PCBP3: variants seen among roughly 807,000 people sequenced by gnomAD.
PCBP3 encodes the protein poly(rC) binding protein 3, also known as poly(rC)-binding protein 3.
Under a neutral mutation model 52.7 loss-of-function variants are expected in PCBP3, and 25 were observed. The ratio of observed to expected loss-of-function variants is 0.47; its 90% CI spans 0.35 to 0.66. PCBP3 has a LOEUF of 0.66. Among genes scored for constraint, PCBP3 ranks in the 30% least tolerant of loss-of-function variants. The pLI, the probability that PCBP3 is intolerant of heterozygous loss-of-function variation, is 0.01. For missense variants in PCBP3, 391 were observed against 490.3 expected, an observed-to-expected ratio of 0.80 and a Z score of 1.91; for synonymous variants, 162 against 183.0, an observed-to-expected ratio of 0.89 and a Z score of 0.93.
chr21:45,814,162 T>C (rs1320825928), intron 4 of PCBP3, among the ~76,000 whole-genome samples: 4 of 152,160 alleles, frequency 2.6e-5, no homozygotes, highest in Admixed American at 6.5e-5. Flanking sequence ...CTTCGAAACA[T>C]AGAAAAGGTG....
chr21:45,675,662 G>A (rs1437677705), intron 2 of PCBP3, among the ~76,000 whole-genome samples: 1 of 152,162 alleles, frequency 6.6e-6, no homozygotes, highest in Non-Finnish European at 1.5e-5. Context: ...ACCACAGTAA[G>A]CCTGTAAAAT....
Position 45,737,122 on chromosome 21 carries a change from G to A in PCBP3, c.-162+1693G>A, listed in dbSNP as rs1376037594. Among the ~76,000 whole-genome samples, 5 of 152,022 alleles carry A rather than the reference G, an allele frequency of 3.3e-5. No homozygotes were observed. The highest frequency in any genetic ancestry group is 2.1e-4 in the South Asian group (1 of 4,826). ...CTGCGGGGCAGGAGGTGAGAGTGCCGCGGGTTAGGAGGTGAGGGTGCAGCT... is the reference window on the plus strand; with the variant it reads ...CTGCGGGGCAGGAGGTGAGAGTGCCACGGGTTAGGAGGTGAGGGTGCAGCT... On this transcript the variant is annotated intron_variant, in intron 3 of 17. Coordinates refer to ENST00000681687, the MANE Select transcript of PCBP3 (RefSeq NM_001384156.1). This position sits in a 1 kb window ranked among gnomAD's most constrained non-coding sequence, Gnocchi z 4.9.
intron 13 of PCBP3, chr21:45,918,963 G>A (rs2073999931): frequency 6.5e-6 from 1 of 153,414 alleles, no homozygotes; most frequent in South Asian, 2.1e-4. Flanking sequence ...CATCGGAGGG[G>A]AACCCTGGGC....
chr21:45,783,701 T>C (rs2090824671), intron 4 of PCBP3, among the ~76,000 whole-genome samples: 1 of 152,196 alleles, frequency 6.6e-6, no homozygotes, highest in African/African-American at 2.4e-5. Context: ...GCTGGAAAGA[T>C]GGCCCTGTGC....
At chr21:45,902,622 G>A (rs1052293660) in intron 9 of PCBP3, among the ~76,000 whole-genome samples, 2 of 152,226 alleles carry the variant, frequency 1.3e-5, no homozygotes, top group African/African-American at 4.8e-5. Flanking sequence ...GTCCCCGGAT[G>A]GTGGTGAGAC....
chr21:45,840,326 G>A (rs560045546), intron 4 of PCBP3, among the ~76,000 whole-genome samples: 5 of 151,494 alleles, frequency 3.3e-5, no homozygotes, highest in East Asian at 3.9e-4. Context: ...GCATGGTGGC[G>A]GGCGCCTGTA....
intron 15 of PCBP3, 38 bp downstream of exon 15, chr21:45,930,883 G>A (rs369777989): frequency 1.9e-4 from 303 of 1,611,128 alleles, no homozygotes; most frequent in Non-Finnish European, 2.5e-4. Context: ...ACAGGCCAGG[G>A]CAGCAGAGCA....
chr21:45,665,177 G>C (rs1440434068), intron 1 of PCBP3, among the ~76,000 whole-genome samples: 1 of 152,068 alleles, frequency 6.6e-6, no homozygotes, highest in East Asian at 1.9e-4. Flanking sequence ...CAAGGCAGGA[G>C]GATCACTTGA....
At chr21:45,797,884 T>A (rs1161212148) in intron 4 of PCBP3, among the ~76,000 whole-genome samples, 1 of 135,638 alleles carries the variant, frequency 7.4e-6, no homozygotes, top group Non-Finnish European at 1.6e-5. Flanking sequence ...AGAGAGTGAA[T>A]GCATGGATGG....
At position 45,785,521 on chromosome 21, in the gene PCBP3, C is replaced by G. The variant is rs1159284044; in HGVS notation, c.-126+30069C>G. 2.6e-4 allele frequency among the ~76,000 whole-genome samples: 39 copies of G among 147,950 alleles called. 3 individuals carry two copies. The highest frequency in any genetic ancestry group is 8.3e-4 in the African/African-American group (33 of 39,852). On this transcript the variant is annotated intron_variant, in intron 4 of 17. Transcript: ENST00000681687. ...CCCGTCCGGGAGGGGGGGGGGTCAG[C>G]CCCCCGCCCGGCCAGCCGCCCCATC... is the stretch of plus-strand genomic sequence containing the variant.
At chr21:45,886,813 G>A (rs1569440724) in intron 5 of PCBP3, among the ~76,000 whole-genome samples, 1 of 152,226 alleles carries the variant, frequency 6.6e-6, no homozygotes, top group East Asian at 1.9e-4. Flanking sequence ...CTCACCACCT[G>A]TGGAGATGAG....
At position 45,788,745 on chromosome 21, in the gene PCBP3, T is replaced by C. The variant is rs866754593; in HGVS notation, c.-126+33293T>C. 3 of 152,112 alleles carry C rather than the reference T, an allele frequency of 2.0e-5. No homozygotes were observed. The allele number at this position is 152,112 out of a possible 1,614,324, so 9.4% of individuals were successfully genotyped here. A position where few individuals can be genotyped will look rare whatever the true frequency, so the allele number is the denominator to read the frequency against. Reference sequence around the variant, plus strand: ...TGTCTATTTCCTTTTACAGGGTAATTTGTAGTGGAATGAGAAAAAAAAGTT... The same window carrying C: ...TGTCTATTTCCTTTTACAGGGTAATCTGTAGTGGAATGAGAAAAAAAAGTT... On this transcript the variant is annotated intron_variant, in intron 4 of 17. Coordinates refer to ENST00000681687, the MANE Select transcript of PCBP3 (RefSeq NM_001384156.1). This position sits in a 1 kb window ranked among gnomAD's most constrained non-coding sequence, Gnocchi z 4.3.
At chr21:45,649,954 C>T (rs1215022144) in intron 1 of PCBP3, among the ~76,000 whole-genome samples, 7 of 151,384 alleles carry the variant, frequency 4.6e-5, no homozygotes, top group South Asian at 2.1e-4. Context: ...TTTTAAAAAT[C>T]GTGATTGAGA....
chr21:45,703,762 G>T (rs2083276096), intron 2 of PCBP3, among the ~76,000 whole-genome samples: 1 of 152,190 alleles, frequency 6.6e-6, no homozygotes, highest in South Asian at 2.1e-4. Flanking sequence ...GATATGCATG[G>T]TGGCTGGGTT....
chr21:45,897,493 C>G (rs1305157206), intron 6 of PCBP3, among the ~76,000 whole-genome samples: 1 of 152,210 alleles, frequency 6.6e-6, no homozygotes. Flanking sequence ...CTCAGACTTT[C>G]AGAGCATGTG....
At chr21:45,675,744 A>G (rs1008879582) in intron 2 of PCBP3, among the ~76,000 whole-genome samples, 1 of 152,194 alleles carries the variant, frequency 6.6e-6, no homozygotes, top group African/African-American at 2.4e-5. Flanking sequence ...AACTGTTTTC[A>G]TAATGATATG....
At position 45,837,295 on chromosome 21, in the gene PCBP3, C is replaced by T. The variant is rs1307795807; in HGVS notation, c.-125-12666C>T. Among the ~76,000 whole-genome samples the T allele has an allele frequency of 6.6e-6, 1 of 152,234 alleles. No individual in the cohort carries two copies. The highest frequency in any genetic ancestry group is 6.5e-5 in the Admixed American group (1 of 15,292). ...GCTGTGACTTTGATGCACCTCCCGCCAGGGAGGGGATCGTGACCCTCCCTT... is the reference window on the plus strand; with the variant it reads ...GCTGTGACTTTGATGCACCTCCCGCTAGGGAGGGGATCGTGACCCTCCCTT... On this transcript the variant is annotated intron_variant, in intron 4 of 17. Transcript: ENST00000681687. The surrounding 1 kb of genome is among the most constrained non-coding windows in gnomAD (Gnocchi z 4.1).
At chr21:45,899,500 A>C (rs1947082841) in intron 6 of PCBP3, 99 bp from the exon 7 acceptor site, 1 of 862,084 alleles carries the variant, frequency 1.2e-6, no homozygotes, top group African/African-American at 1.7e-5. Context: ...TTCTGCACTC[A>C]TACCGGGAAG....
chr21:45,900,455 G>T (rs1428196820), intron 7 of PCBP3, 136 bp from the exon 8 acceptor site: 17 of 681,410 alleles, frequency 2.5e-5, no homozygotes, highest in Non-Finnish European at 4.3e-5. Flanking sequence ...TGGAGAGGCT[G>T]GTTTGCTCCT....
Sources: gnomAD v4.1 joint callset for allele counts (sites outside exome capture counted in the v4.1 genomes callset) on GRCh38, gnomAD v4.1.1 for gene constraint, Gnocchi (gnomAD v3.1) non-coding constraint, MANE v1.5 for transcripts, NCBI Gene and HGNC (gene_info 2026-07-23, HGNC 2026-07-21) for gene names.